DNER: variants seen among roughly 807,000 people sequenced by gnomAD.
The protein encoded by DNER is delta and Notch-like epidermal growth factor-related receptor.
Under a neutral mutation model 78.2 loss-of-function variants are expected in DNER, and 33 were observed. That is an observed-to-expected ratio of 0.42 (90% confidence interval 0.32 to 0.56). DNER has a LOEUF of 0.56. Among genes scored for constraint, DNER ranks in the 20% least tolerant of loss-of-function variants. The pLI, the probability that DNER is intolerant of heterozygous loss-of-function variation, is 0.11. For synonymous variants in DNER, 417 were observed against 384.8 expected, an observed-to-expected ratio of 1.08 and a Z score of -0.98; for missense variants, 918 against 975.3, an observed-to-expected ratio of 0.94 and a Z score of 0.78.
intron 1 of DNER, among the ~76,000 whole-genome samples, chr2:229,692,912 T>TA (rs773783670): frequency 6.6e-5 from 10 of 151,836 alleles, no homozygotes; most frequent in Non-Finnish European, 1.2e-4. Context: ...TTTTATAATA[T>TA]AAAAAATCTA....
At chr2:229,533,680 G>A (rs936630308) in intron 5 of DNER, among the ~76,000 whole-genome samples, 18 of 152,138 alleles carry the variant, frequency 1.2e-4, no homozygotes, top group African/African-American at 3.9e-4. Context: ...ACCTGAGGTC[G>A]TCCATTTTTC....
chr2:229,423,614 CA>C (rs3085435), intron 8 of DNER, among the ~76,000 whole-genome samples: 5,550 of 82,078 alleles, frequency 0.068, 103 homozygotes, highest in African/African-American at 0.089. Flanking sequence ...GACTACATCT[CA>C]AAAAAAAAAA....
rs1033960102 is a variant in DNER, at chr2:229,654,073, T to C, written c.276+60075A>G. Among the ~76,000 whole-genome samples, 17 of 152,096 alleles carry C rather than the reference T, an allele frequency of 1.1e-4. No individual in the cohort carries two copies. In the East Asian group the frequency reaches 1.2e-3, roughly 10 times the overall value. On this transcript the variant is annotated intron_variant, in intron 1 of 12. Coordinates refer to ENST00000341772, the MANE Select transcript of DNER (RefSeq NM_139072.4). Reference sequence around the variant, plus strand: ...TGTTGGTGTGCTGCACCCATTAACTTATCATTTACATTAGGTATATCTCCC... The same window carrying C: ...TGTTGGTGTGCTGCACCCATTAACTCATCATTTACATTAGGTATATCTCCC...
intron 1 of DNER, among the ~76,000 whole-genome samples, chr2:229,649,650 A>G (rs960589441): frequency 6.6e-6 from 1 of 152,222 alleles, no homozygotes; most frequent in African/African-American, 2.4e-5. Flanking sequence ...ATTGAGATAC[A>G]AGGAGGGTTT....
At chr2:229,573,475 A>G (rs535212050) in intron 4 of DNER, among the ~76,000 whole-genome samples, 1 of 152,314 alleles carries the variant, frequency 6.6e-6, no homozygotes, top group African/African-American at 2.4e-5. Context: ...AAACAATTAA[A>G]ACTACCATGA....
chr2:229,591,730 G>C lies in DNER; in HGVS notation c.435C>G (p.Thr145=). The change falls in exon 2 of 13, where the codon ACC becomes ACG. Residue 145 remains threonine (T), a synonymous_variant. Coordinates refer to ENST00000341772, the MANE Select transcript of DNER (RefSeq NM_139072.4). The surrounding 1 kb of genome is among the most constrained non-coding windows in gnomAD (Gnocchi z 4.6). ...GAAGCTGTCGGGGTGCCATGGATTC[G>C]GTCCAGCCAGTGGCTGGGAGACTGG... The part of the protein sequence containing the change: ...ALPSLPATGW[T]ESMAPRQLQP... 1 of 1,614,140 alleles carries C rather than the reference G, an allele frequency of 6.2e-7. No individual in the cohort carries two copies. Among genetic ancestry groups the C allele is most frequent in the Non-Finnish European group, 8.5e-7 (1 of 1,180,012 alleles).
chr2:229,476,597 C>A (rs1330237285), intron 7 of DNER, among the ~76,000 whole-genome samples: 1 of 152,076 alleles, frequency 6.6e-6, no homozygotes. Flanking sequence ...GAAATGGGAA[C>A]AAAACTTCCT....
chr2:229,483,196 C>G (rs953099220), intron 6 of DNER, among the ~76,000 whole-genome samples: 1 of 152,142 alleles, frequency 6.6e-6, no homozygotes, highest in Non-Finnish European at 1.5e-5. Context: ...CCAAAAACCT[C>G]CCTCCCAGAA....
At chr2:229,453,897 G>A (rs1574850153) in intron 7 of DNER, among the ~76,000 whole-genome samples, 1 of 140,632 alleles carries the variant, frequency 7.1e-6, no homozygotes, top group East Asian at 2.1e-4. Flanking sequence ...AAGTTGCAGG[G>A]TTTGGTCAGG....
intron 10 of DNER, among the ~76,000 whole-genome samples, chr2:229,390,647 A>G (rs191225716): frequency 6.6e-6 from 1 of 152,364 alleles, no homozygotes; most frequent in East Asian, 1.9e-4. Context: ...CTAAAATCCA[A>G]CTAGGGCCAA....
At chr2:229,672,117 C>T (rs566287960) in intron 1 of DNER, among the ~76,000 whole-genome samples, 64 of 152,228 alleles carry the variant, frequency 4.2e-4, no homozygotes, top group Non-Finnish European at 5.4e-4. Flanking sequence ...ATGATTTGCC[C>T]GTGAATCTGT....
intron 1 of DNER, among the ~76,000 whole-genome samples, chr2:229,613,578 A>G (rs934570595): frequency 6.6e-5 from 10 of 152,082 alleles, no homozygotes; most frequent in African/African-American, 2.4e-4. Context: ...CAAACATAAT[A>G]TATGGCGCAG....
At chr2:229,582,377 C>G (rs931046152) in intron 4 of DNER, among the ~76,000 whole-genome samples, 1 of 152,092 alleles carries the variant, frequency 6.6e-6, no homozygotes, top group South Asian at 2.1e-4. Flanking sequence ...TGGTTAGGAA[C>G]CTGGCCATCC....
Position 229,357,970 on chromosome 2 carries a change from G to A in DNER, c.*570C>T, listed in dbSNP as rs888374859. The A allele has an allele frequency of 2.6e-5, 4 of 152,554 alleles. No individual in the cohort carries two copies. Among genetic ancestry groups the A allele is most frequent in the Non-Finnish European group, 4.4e-5 (3 of 68,022 alleles). The allele number at this position is 152,554 out of a possible 1,614,324, so 9.5% of individuals were successfully genotyped here. A position where few individuals can be genotyped will look rare whatever the true frequency, so the allele number is the denominator to read the frequency against. The stretch of plus-strand genomic sequence containing the variant: ...TTACGAAAATGACAAAAACAAACTC[G>A]AAAGAATGTTTCCACAAAGTTCAAC... On this transcript the variant is annotated 3_prime_UTR_variant, in exon 13 of 13. Transcript: ENST00000341772.
intron 4 of DNER, among the ~76,000 whole-genome samples, chr2:229,571,548 A>T (rs1697218168): frequency 1.3e-5 from 2 of 151,704 alleles, no homozygotes; most frequent in Non-Finnish European, 2.9e-5. Flanking sequence ...AGCAGCTTCC[A>T]TTCTAACCTC....
chr2:229,380,155 G>C (rs1276702998), intron 11 of DNER, among the ~76,000 whole-genome samples: 1 of 152,146 alleles, frequency 6.6e-6, no homozygotes, highest in Admixed American at 6.6e-5. Flanking sequence ...GTTGATGTCA[G>C]AGAATGTGGT....
chr2:229,435,523 T>C (rs1351526783), intron 8 of DNER, among the ~76,000 whole-genome samples: 1 of 152,140 alleles, frequency 6.6e-6, no homozygotes, highest in Non-Finnish European at 1.5e-5. Context: ...CTAACTTAAA[T>C]AAATAAAACC....
intron 8 of DNER, 32 bp downstream of exon 8, chr2:229,447,284 A>T (rs531894241): frequency 6.5e-7 from 1 of 1,530,592 alleles, no homozygotes; most frequent in African/African-American, 1.4e-5. Flanking sequence ...GATTGAGAAA[A>T]GGAAGATGTA....
intron 4 of DNER, among the ~76,000 whole-genome samples, chr2:229,550,913 A>C (rs1696723135): frequency 6.6e-6 from 1 of 152,214 alleles, no homozygotes; most frequent in Non-Finnish European, 1.5e-5. Context: ...TCACTTGAGA[A>C]CATGCTGCTT....
Sources: gnomAD v4.1 joint callset for allele counts (sites outside exome capture counted in the v4.1 genomes callset) on GRCh38, gnomAD v4.1.1 for gene constraint, Gnocchi (gnomAD v3.1) non-coding constraint, MANE v1.5 for transcripts, NCBI Gene and HGNC (gene_info 2026-07-23, HGNC 2026-07-21) for gene names.